Variants in CFAP91 observed in about 807,000 individuals in gnomAD.
CFAP91 encodes cilia and flagella associated protein 91.
In CFAP91, 85 loss-of-function variants were observed where a neutral mutation model predicts 95.9. That is an observed-to-expected ratio of 0.89 (90% CI 0.74 to 1.06). The LOEUF is 1.06. Among genes scored for constraint, CFAP91 ranks in the 50% least tolerant of loss-of-function variants. CFAP91 has a pLI of 0.00. For synonymous variants in CFAP91, 335 were observed against 327.5 expected, an observed-to-expected ratio of 1.02 and a Z score of -0.25; for missense variants, 962 against 943.4, an observed-to-expected ratio of 1.02 and a Z score of -0.26.
intron 3 of CFAP91, among the ~76,000 whole-genome samples, 155 bp from the exon 4 acceptor site, chr3:119,708,436 T>C (rs2053414682): frequency 6.6e-6 from 1 of 152,106 alleles, no homozygotes; most frequent in African/African-American, 2.4e-5. Context: ...ATATATACTC[T>C]AAGTTGTATG....
chr3:119,744,534 A>T (rs2107905004), intron 14 of CFAP91, among the ~76,000 whole-genome samples: 1 of 152,332 alleles, frequency 6.6e-6, no homozygotes, highest in East Asian at 1.9e-4. Flanking sequence ...ACAGAGGGGG[A>T]ACAAGGCGGC....
At chr3:119,729,069 A>G (rs747032098) in intron 7 of CFAP91, among the ~76,000 whole-genome samples, 9 of 152,178 alleles carry the variant, frequency 5.9e-5, no homozygotes, top group Non-Finnish European at 1.0e-4. Context: ...CAGGAGTAAA[A>G]TGTATGTTCA....
In CFAP91 at chr3:119,740,835, T is replaced by TTGTGTGTGTGTGTGTG. The variant is rs57901016; in HGVS notation, c.1680+165_1680+180dup. On this transcript the variant is annotated intron_variant, in intron 13 of 17. Transcript: ENST00000273390. Reference sequence around the variant, plus strand: ...CACAATCCCATCACTCTGTCAGCATTTGTGTGTGTGTGTGTGTGTGTGTGT... The same window carrying TTGTGTGTGTGTGTGTG: ...CACAATCCCATCACTCTGTCAGCATTTGTGTGTGTGTGTGTGTGTGTGTGTGTGTGTGTGTGTGTGT... The TTGTGTGTGTGTGTGTG allele has an allele frequency of 4.0e-4, 206 of 515,148 alleles. 1 individual carries two copies. Among genetic ancestry groups the TTGTGTGTGTGTGTGTG allele is most frequent in the East Asian group, 3.6e-3 (77 of 21,578 alleles). 31.9% of individuals were successfully genotyped at this position (515,148 alleles called of 1,614,324 possible).
In CFAP91 at chr3:119,733,506, G is replaced by A; in HGVS notation, c.1344G>A (p.Lys448=). The A allele has an allele frequency of 6.2e-7, 1 of 1,608,062 alleles. No homozygotes were observed. The highest frequency in any genetic ancestry group is 1.7e-5 in the Admixed American group (1 of 58,324). The change falls in exon 10 of 18, where the codon AAG becomes AAA. Residue 448 remains lysine (K), a splice_region_variant and synonymous_variant. Transcript: ENST00000273390. ...RLDYELAEVH[K]ALLDKKNKVL... ...ACTATGAGTTGGCAGAGGTTCATAAGGTATAATCATTATCTGGAGGACAAA... is the reference window on the plus strand; with the variant it reads ...ACTATGAGTTGGCAGAGGTTCATAAAGTATAATCATTATCTGGAGGACAAA...
intron 13 of CFAP91, among the ~76,000 whole-genome samples, chr3:119,741,053 T>C (rs946338848): frequency 1.3e-5 from 2 of 152,136 alleles, no homozygotes; most frequent in African/African-American, 4.8e-5. Context: ...GGTTTCGCCA[T>C]ATTGGCCAGG....
intron 4 of CFAP91, among the ~76,000 whole-genome samples, chr3:119,708,969 A>G (rs1274421729): frequency 1.3e-5 from 2 of 152,222 alleles, no homozygotes; most frequent in Non-Finnish European, 2.9e-5. Context: ...CTTTAGAGAT[A>G]CTGATTGCAA....
chr3:119,756,045 C>T (rs1449298171), intron 17 of CFAP91, among the ~76,000 whole-genome samples: 4 of 152,062 alleles, frequency 2.6e-5, no homozygotes, highest in Admixed American at 6.5e-5. Context: ...ATATGGAATA[C>T]GAATTTTCCA....
intron 1 of CFAP91, chr3:119,706,355 G>C (rs1223480678): frequency 1.3e-5 from 2 of 152,468 alleles, no homozygotes; most frequent in African/African-American, 2.4e-5. Flanking sequence ...GAGATATCAT[G>C]TGGTTTGCAT....
chr3:119,728,011 A>G (rs1292220685), intron 7 of CFAP91, among the ~76,000 whole-genome samples: 2 of 149,016 alleles, frequency 1.3e-5, no homozygotes, highest in Non-Finnish European at 3.0e-5. Flanking sequence ...ATTGATGATG[A>G]TAATGATGAT....
intron 6 of CFAP91, among the ~76,000 whole-genome samples, chr3:119,716,970 G>A (rs971956996): frequency 6.6e-6 from 1 of 152,160 alleles, no homozygotes; most frequent in East Asian, 1.9e-4. Flanking sequence ...TTCCCTTTCT[G>A]CTCTGAATGC....
intron 17 of CFAP91, among the ~76,000 whole-genome samples, chr3:119,756,944 G>A (rs1487928672): frequency 2.0e-5 from 3 of 152,104 alleles, no homozygotes; most frequent in African/African-American, 7.2e-5. Context: ...AATATTCCAA[G>A]TAAAGTCAGA....
intron 9 of CFAP91, among the ~76,000 whole-genome samples, chr3:119,732,929 A>G (rs996115901): frequency 3.3e-5 from 5 of 152,212 alleles, no homozygotes; most frequent in Non-Finnish European, 7.3e-5. Flanking sequence ...ATTTAATTTC[A>G]CTGACAAATT....
chr3:119,750,835 C>A, intron 16 of CFAP91, 102 bp from the exon 17 acceptor site: 1 of 1,394,542 alleles, frequency 7.2e-7, no homozygotes, highest in Non-Finnish European at 1.0e-6. Context: ...TGGGTTTTAC[C>A]TTTAATTTGC....
intron 5 of CFAP91, among the ~76,000 whole-genome samples, chr3:119,714,892 A>G (rs1450220593): frequency 6.6e-6 from 1 of 152,316 alleles, no homozygotes. Flanking sequence ...TCACTCAAAG[A>G]TGATATAAAT....
Position 119,703,066 on chromosome 3 carries a change from G to T in CFAP91, c.-33G>T. Reference sequence around the variant, plus strand: ...CGCAGTAGCCAGGCCTGACCCGCTGGTCCCTTGCTGGCGGGAGGAAAGAGG... The same window carrying T: ...CGCAGTAGCCAGGCCTGACCCGCTGTTCCCTTGCTGGCGGGAGGAAAGAGG... On this transcript the variant is annotated 5_prime_UTR_variant, in exon 1 of 18. Transcript: ENST00000273390. 1 of 1,549,446 alleles carries T rather than the reference G, an allele frequency of 6.5e-7. No individual in the cohort carries two copies.
intron 13 of CFAP91, among the ~76,000 whole-genome samples, chr3:119,743,150 T>TG (rs1359536987): frequency 1.3e-5 from 2 of 151,530 alleles, no homozygotes; most frequent in Non-Finnish European, 2.9e-5. Context: ...TTTTTTTTTT[T>TG]TCTGAGATGG....
chr3:119,737,655 GATGAA>G (rs1326055764), intron 11 of CFAP91, among the ~76,000 whole-genome samples, 173 bp downstream of exon 11: 1 of 152,088 alleles, frequency 6.6e-6, no homozygotes, highest in South Asian at 2.1e-4. Context: ...AAACAAACGA[GATGAA>G]ATGAAATCTA....
chr3:119,705,364 C>A (rs1288458462), intron 1 of CFAP91, among the ~76,000 whole-genome samples: 1 of 152,198 alleles, frequency 6.6e-6, no homozygotes, highest in Non-Finnish European at 1.5e-5. Context: ...CCTTATGAAG[C>A]CCTATGTGAT....
intron 17 of CFAP91, among the ~76,000 whole-genome samples, chr3:119,763,068 T>G (rs1414106749): frequency 6.6e-6 from 1 of 152,036 alleles, no homozygotes; most frequent in Non-Finnish European, 1.5e-5. Flanking sequence ...AAACCATACA[T>G]CTGGTAAGAG....
Sources: allele counts gnomAD v4.1 joint callset (sites outside exome capture counted in the v4.1 genomes callset), GRCh38; gene constraint gnomAD v4.1.1; transcripts MANE v1.5; gene names NCBI Gene and HGNC (gene_info 2026-07-23, HGNC 2026-07-21).